Variants in RAPGEF5 observed in about 807,000 individuals in gnomAD.
The protein encoded by RAPGEF5 is Rap guanine nucleotide exchange factor 5.
A neutral mutation model predicts 125.2 loss-of-function variants in RAPGEF5; 65 were observed. The ratio of observed to expected loss-of-function variants is 0.52; its 90% CI spans 0.43 to 0.64. The LOEUF (loss-of-function observed/expected upper bound fraction) is 0.64, where lower values mean the gene tolerates loss of function less well. RAPGEF5 is among the 30% of genes least tolerant of loss of function. The probability of loss-of-function intolerance (pLI) is 0.00; values close to 1 mark genes in which losing one functional copy is unlikely to be tolerated. For missense variants in RAPGEF5, 958 were observed against 1,048.1 expected (o/e 0.91, Z 1.19); for synonymous variants, 391 against 385.9 (o/e 1.01, Z -0.16).
In RAPGEF5 at chr7:22,122,369, A is replaced by C. The variant is rs1341522606; in HGVS notation, c.*37T>G. 6.6e-7 allele frequency: 1 copy of C among 1,503,860 alleles called. No homozygotes were observed. Among genetic ancestry groups the C allele is most frequent in the East Asian group, 2.3e-5 (1 of 44,258 alleles). The allele number at this position is 1,503,860 out of a possible 1,614,324, so 93.2% of individuals were successfully genotyped here. A position where few individuals can be genotyped will look rare whatever the true frequency, so the allele number is the denominator to read the frequency against. Reference sequence around the variant, plus strand: ...TTGGCATAGACATTCCCGTAGCTCAAAGTGCTGCAGATACAGGGGAGGTGA... The same window carrying C: ...TTGGCATAGACATTCCCGTAGCTCACAGTGCTGCAGATACAGGGGAGGTGA... On this transcript the variant is annotated 3_prime_UTR_variant, in exon 26 of 26. Coordinates refer to ENST00000665637, the MANE Select transcript of RAPGEF5 (RefSeq NM_012294.5).
At chr7:22,229,727 G>A (rs1226740075) in intron 8 of RAPGEF5, among the ~76,000 whole-genome samples, 1 of 152,142 alleles carries the variant, frequency 6.6e-6, no homozygotes, top group African/African-American at 2.4e-5. Context: ...TTTCCACTAC[G>A]GTAGCAGATC....
chr7:22,260,308 C>T (rs374007309), intron 7 of RAPGEF5, among the ~76,000 whole-genome samples: 39 of 152,118 alleles, frequency 2.6e-4, no homozygotes, highest in African/African-American at 8.4e-4. Flanking sequence ...ATGGAGGTTC[C>T]GTTATTGTAA....
intron 1 of RAPGEF5, among the ~76,000 whole-genome samples, chr7:22,332,244 G>A (rs571174814): frequency 1.3e-5 from 2 of 152,270 alleles, no homozygotes; most frequent in East Asian, 1.9e-4. Context: ...CAGGGCACTC[G>A]AACTTTGCCT....
intron 11 of RAPGEF5, among the ~76,000 whole-genome samples, chr7:22,177,496 A>G (rs1050381267): frequency 6.6e-6 from 1 of 152,194 alleles, no homozygotes; most frequent in Non-Finnish European, 1.5e-5. Context: ...GGGCAAGGAG[A>G]AAAAGTAAGG....
At chr7:22,302,518 C>CT (rs967499800) in intron 5 of RAPGEF5, among the ~76,000 whole-genome samples, 25 of 152,112 alleles carry the variant, frequency 1.6e-4, no homozygotes, top group African/African-American at 5.8e-4. Flanking sequence ...CACAAAGGAG[C>CT]TGGCTGCCTA....
At chr7:22,275,043 T>A (rs1030684164) in intron 6 of RAPGEF5, among the ~76,000 whole-genome samples, 1 of 152,140 alleles carries the variant, frequency 6.6e-6, no homozygotes, top group African/African-American at 2.4e-5. Flanking sequence ...GGATGGACTA[T>A]GCTCTCTCTT....
chr7:22,207,850 T>C (rs1785430880), intron 9 of RAPGEF5, among the ~76,000 whole-genome samples: 1 of 152,250 alleles, frequency 6.6e-6, no homozygotes, highest in Non-Finnish European at 1.5e-5. Flanking sequence ...TTATAATCTT[T>C]GTCATTTATG....
At position 22,338,333 on chromosome 7, in the gene RAPGEF5, T is replaced by G. The variant is rs1183980320; in HGVS notation, c.231+18497A>C. ...TCTTAAATCACCTCCACACTGAAGT[T>G]TTGCTCTCGTTCCAAACTCAGAGAG... On this transcript the variant is annotated intron_variant, in intron 1 of 25. Coordinates refer to ENST00000665637, the MANE Select transcript of RAPGEF5 (RefSeq NM_012294.5). Among the ~76,000 whole-genome samples the G allele has an allele frequency of 2.4e-4, 37 of 152,182 alleles. 1 individual carries two copies. The highest frequency in any genetic ancestry group is 2.4e-3 in the Admixed American group (36 of 15,274).
rs773590591 is a variant in RAPGEF5, at chr7:22,156,834, C to G, written c.1612G>C (p.Gly538Arg). The G allele has an allele frequency of 1.9e-6, 3 of 1,613,920 alleles. No homozygotes were observed. Among genetic ancestry groups the G allele is most frequent in the Admixed American group, 3.3e-5 (2 of 60,016 alleles). ...CTTTCCTCCGTTTCAGTCACAGTTC[C>G]TCTATGCTGGAGCCAGTTCTCCTTA... ...SLKENWLQHR[G>R]TVTETEEIFC... is the part of the protein sequence containing the mutation. Residue 538 changes from glycine (G) to arginine (R), a missense_variant, in exon 16 of 26, where the codon GGA becomes CGA. Physicochemically the swap from Gly to Arg is moderately radical, Grantham distance 125. Transcript: ENST00000665637.
chr7:22,137,311 C>T (rs920072687), intron 21 of RAPGEF5, among the ~76,000 whole-genome samples: 2 of 152,218 alleles, frequency 1.3e-5, no homozygotes, highest in African/African-American at 4.8e-5. Context: ...ATGCTCTCAT[C>T]TTCTTAATAG....
chr7:22,305,965 A>G (rs1233643258), intron 5 of RAPGEF5, among the ~76,000 whole-genome samples: 1 of 152,232 alleles, frequency 6.6e-6, no homozygotes, highest in African/African-American at 2.4e-5. Flanking sequence ...TGATAGACAC[A>G]GAGGTTGCTT....
chr7:22,322,621 GT>G (rs1473903401), intron 1 of RAPGEF5, among the ~76,000 whole-genome samples: 2 of 152,146 alleles, frequency 1.3e-5, no homozygotes, highest in Admixed American at 1.3e-4. Context: ...AATATAGAAT[GT>G]GATCATTTAA....
At chr7:22,291,640 T>C (rs1294252768) in intron 5 of RAPGEF5, among the ~76,000 whole-genome samples, 1 of 152,202 alleles carries the variant, frequency 6.6e-6, no homozygotes, top group East Asian at 1.9e-4. Flanking sequence ...AAATGTGAAC[T>C]TTCCACTGAA....
chr7:22,200,977 A>G (rs1398799385), intron 9 of RAPGEF5, among the ~76,000 whole-genome samples: 4 of 152,188 alleles, frequency 2.6e-5, no homozygotes, highest in Admixed American at 6.5e-5. Flanking sequence ...GAAAATGCAC[A>G]CTCAGCAAGG....
At chr7:22,194,721 C>A in intron 9 of RAPGEF5, 1 of 985,428 alleles carries the variant, frequency 1.0e-6, no homozygotes, top group East Asian at 1.1e-4. Context: ...CACAGACTTT[C>A]TTCACCTCAG....
rs111639903 is a variant in RAPGEF5, at chr7:22,239,504, G to T, written c.797-8585C>A. 4.3e-3 allele frequency among the ~76,000 whole-genome samples: 659 copies of T among 152,144 alleles called. 10 individuals carry two copies. Among genetic ancestry groups the T allele is most frequent in the South Asian group, 0.027 (130 of 4,802 alleles). Reference sequence around the variant, plus strand: ...CAGATACTCCATGCTCAGCACACTTGACAAGGGGCAACTCAAGCCACTGAG... The same window carrying T: ...CAGATACTCCATGCTCAGCACACTTTACAAGGGGCAACTCAAGCCACTGAG... On this transcript the variant is annotated intron_variant, in intron 7 of 25. Transcript: ENST00000665637.
chr7:22,331,169 C>T (rs1783909307), intron 1 of RAPGEF5, among the ~76,000 whole-genome samples: 1 of 152,186 alleles, frequency 6.6e-6, no homozygotes, highest in African/African-American at 2.4e-5. Context: ...TTAAAGAACC[C>T]TGAAATACAG....
At chr7:22,137,933 T>C (rs1052272457) in intron 21 of RAPGEF5, among the ~76,000 whole-genome samples, 7 of 152,030 alleles carry the variant, frequency 4.6e-5, no homozygotes, top group Non-Finnish European at 7.4e-5. Context: ...GAGATAGATT[T>C]TTTTCGATGT....
chr7:22,300,102 CAT>C (rs1456321253), intron 5 of RAPGEF5, among the ~76,000 whole-genome samples: 1 of 152,118 alleles, frequency 6.6e-6, no homozygotes, highest in Non-Finnish European at 1.5e-5. Flanking sequence ...GGGATGCCAA[CAT>C]GTGTTAGACT....
Sources: allele counts gnomAD v4.1 joint callset (sites outside exome capture counted in the v4.1 genomes callset), GRCh38; gene constraint gnomAD v4.1.1; transcripts MANE v1.5; gene names NCBI Gene and HGNC (gene_info 2026-07-23, HGNC 2026-07-21).